The following CDON variants were observed in gnomAD, a reference collection of about 807,000 sequenced individuals.
CDON encodes the protein cell adhesion associated, oncogene regulated.
Under a neutral mutation model 120.9 loss-of-function variants are expected in CDON, and 73 were observed. That is an observed-to-expected ratio of 0.60 (90% CI 0.50 to 0.73). The LOEUF (loss-of-function observed/expected upper bound fraction) is 0.73. CDON is among the 30% of genes least tolerant of loss of function. CDON has a pLI of 0.00. For synonymous variants in CDON, 566 were observed against 573.5 expected (o/e 0.99, Z 0.19); for missense variants, 1,470 against 1,587.3 (o/e 0.93, Z 1.26).
intron 18 of CDON, among the ~76,000 whole-genome samples, chr11:125,962,675 G>C (rs552696254): frequency 1.3e-4 from 20 of 152,136 alleles, no homozygotes; most frequent in African/African-American, 4.8e-4. Flanking sequence ...CTTCAGACTG[G>C]ACAATTTCTA....
At chr11:125,993,650 TC>T (rs1946696553) in intron 14 of CDON, among the ~76,000 whole-genome samples, 1 of 152,108 alleles carries the variant, frequency 6.6e-6, no homozygotes, top group Non-Finnish European at 1.5e-5. Flanking sequence ...TGTGCCAAGG[TC>T]CTGAGGCAAA....
chr11:126,045,159 G>A (rs997355510), intron 1 of CDON, among the ~76,000 whole-genome samples: 2 of 152,130 alleles, frequency 1.3e-5, no homozygotes, highest in Admixed American at 1.3e-4. Flanking sequence ...CCGAGTAGCT[G>A]GGATTACAGG....
intron 1 of CDON, among the ~76,000 whole-genome samples, chr11:126,032,545 G>C (rs1947971026): frequency 6.6e-6 from 1 of 152,184 alleles, no homozygotes; most frequent in Non-Finnish European, 1.5e-5. Flanking sequence ...GCAAGGACAT[G>C]ATCAGTCCCG....
At chr11:126,003,763 T>C (rs928847869) in intron 10 of CDON, 139 bp downstream of exon 10, 63 of 787,034 alleles carry the variant, frequency 8.0e-5, no homozygotes, top group Non-Finnish European at 1.3e-4. Context: ...GAGGTTGCAG[T>C]GAGCTGAGAT....
chr11:126,006,537 G>A (rs1197277536), intron 8 of CDON, among the ~76,000 whole-genome samples: 4 of 151,950 alleles, frequency 2.6e-5, no homozygotes, highest in Non-Finnish European at 4.4e-5. Flanking sequence ...GCGTGGTGGC[G>A]CATACCTGTA....
chr11:125,997,095 T>A, intron 12 of CDON, 112 bp downstream of exon 12: 1 of 831,788 alleles, frequency 1.2e-6, no homozygotes, highest in African/African-American at 1.7e-5. Context: ...GCCATGATTA[T>A]GCCACTGCAC....
chr11:126,019,238 GT>G (rs1482225659), intron 4 of CDON, among the ~76,000 whole-genome samples: 1 of 152,196 alleles, frequency 6.6e-6, no homozygotes, highest in Admixed American at 6.5e-5. Context: ...GTAGGGGTAT[GT>G]GGGGAGGTCA....
chr11:125,997,269 A>G lies in CDON; in HGVS notation c.2300T>C (p.Leu767Pro), dbSNP rs760373405. Residue 767 changes from leucine to proline, a missense_variant, in exon 12 of 20, where the codon CTG (leucine) becomes CCG (proline). Transcript: ENST00000531738. The part of the protein sequence containing the change: ...EYKRMRTSNW[L>P]VAAEDIPPSK... ...AGGAGGGATGTCTTCAGCTGCCACC[A>G]GCCAATTGCTGGTCCTCATCCGTTT... The G allele has an allele frequency of 6.2e-6, 10 of 1,614,140 alleles. No individual in the cohort carries two copies. Among genetic ancestry groups the G allele is most frequent in the Non-Finnish European group, 8.5e-6 (10 of 1,180,002 alleles).
rs1179609565 is a variant in CDON at position 125,958,713 on chromosome 11, G to C, written c.*2229C>G. 6.6e-6 allele frequency: 1 copy of C among 152,424 alleles called. No homozygotes were observed. The highest frequency in any genetic ancestry group is 1.5e-5 in the Non-Finnish European group (1 of 68,014). The allele number at this position is 152,424 out of a possible 1,614,324, so 9.4% of individuals were successfully genotyped here. On this transcript the variant is annotated 3_prime_UTR_variant, in exon 20 of 20. Transcript: ENST00000531738. ...ATATAAATAAAGCAGTCCACAATGA[G>C]ATTGTCCTAAAGGTAAAGCCATTTT...
At position 126,010,665 on chromosome 11, in the gene CDON, C is replaced by T. The variant is rs1947274306; in HGVS notation, c.1228G>A (p.Ala410Thr). 2 of 1,614,048 alleles carry T rather than the reference C, an allele frequency of 1.2e-6. No homozygotes were observed. Among genetic ancestry groups the T allele is most frequent in the Non-Finnish European group, 8.5e-7 (1 of 1,179,960 alleles). Reference protein sequence around the residue: ...DGGFKPVIITAPVSAKVADGD... With the variant: ...DGGFKPVIITTPVSAKVADGD... ...TCTGCAACCTTTGCACTTACTGGTG[C>T]CGTAATTATAACTGGCTTGAATCCA... Residue 410 changes from alanine to threonine, a missense_variant, in exon 8 of 20, where the codon GCA becomes ACA. Physicochemically the swap from Ala to Thr is moderately conservative, Grantham distance 58. Coordinates refer to ENST00000531738, the MANE Select transcript of CDON (RefSeq NM_001378964.1).
At position 126,001,844 on chromosome 11, in the gene CDON, G is replaced by A; in HGVS notation, c.2033C>T (p.Thr678Ile). ...TGCCTGGGTGTTTTTTGATGACGCT[G>A]TTTTTTCTAGAAAGGTAAATAAACA... ...MLTFRTSKEK[T>I]ASSKNTQASS... Residue 678 changes from threonine (T) to isoleucine (I), a missense_variant, in exon 11 of 20, where the codon ACA becomes ATA. Transcript: ENST00000531738. 6.3e-7 allele frequency: 1 copy of A among 1,595,006 alleles called. No individual in the cohort carries two copies. Among genetic ancestry groups the A allele is most frequent in the Non-Finnish European group, 8.6e-7 (1 of 1,162,476 alleles).
Position 125,961,880 on chromosome 11 carries a change from CA to C in CDON, c.3474del (p.Val1159TyrfsTer3). Reference sequence around the variant, plus strand: ...TCAGGGACTGCGGAAGTCAGGCATACAGGCACCTTCACGTGACTGAGGGGCT... The same window carrying C: ...TCAGGGACTGCGGAAGTCAGGCATACGGCACCTTCACGTGACTGAGGGGCT... ...EMKPLSHVKV[P>X]VCLTSAVPDC... On this transcript the variant is annotated frameshift_variant, in exon 19 of 20. Transcript: ENST00000531738. LOFTEE classifies it high-confidence loss of function. 6.2e-7 allele frequency: 1 copy of C among 1,614,222 alleles called. No homozygotes were observed. Among genetic ancestry groups the C allele is most frequent in the Non-Finnish European group, 8.5e-7 (1 of 1,180,026 alleles).
At chr11:126,050,314 AAAAG>A (rs1191737225) in intron 1 of CDON, among the ~76,000 whole-genome samples, 1 of 152,122 alleles carries the variant, frequency 6.6e-6, no homozygotes, top group Non-Finnish European at 1.5e-5. Flanking sequence ...AATAAACCTA[AAAAG>A]AAAGACTAAA....
intron 6 of CDON, among the ~76,000 whole-genome samples, chr11:126,015,740 C>T (rs888784465): frequency 1.3e-5 from 2 of 152,198 alleles, no homozygotes; most frequent in South Asian, 2.1e-4. Context: ...TAGATTACAC[C>T]ACCCACTTAA....
intron 1 of CDON, among the ~76,000 whole-genome samples, chr11:126,053,616 G>A (rs1948619513): frequency 6.6e-6 from 1 of 152,098 alleles, no homozygotes. Context: ...CAGACATTCA[G>A]CCACATCATC....
rs750319847 is a variant in CDON at position 125,961,758 on chromosome 11, A to C, written c.3597T>G (p.Ser1199=). 5 of 1,614,218 alleles carry C rather than the reference A, an allele frequency of 3.1e-6. No homozygotes were observed. Among genetic ancestry groups the C allele is most frequent in the Non-Finnish European group, 4.2e-6 (5 of 1,180,030 alleles). ...CCQDIVNDVS[S]DGSEDPAEFS... Reference sequence around the variant, plus strand: ...ACTCTGCTGGATCTTCTGAGCCATCAGAGCTGACGTCATTTACAATGTCCT... The same window carrying C: ...ACTCTGCTGGATCTTCTGAGCCATCCGAGCTGACGTCATTTACAATGTCCT... The change falls in exon 19 of 20, where the codon TCT becomes TCG. Residue 1199 remains serine, a synonymous_variant. Transcript: ENST00000531738.
chr11:126,003,487 G>A (rs1947016428), intron 10 of CDON, among the ~76,000 whole-genome samples: 1 of 152,184 alleles, frequency 6.6e-6, no homozygotes, highest in Non-Finnish European at 1.5e-5. Flanking sequence ...GGCTATAATA[G>A]GGTCGTTTAG....
At chr11:125,969,289 C>A (rs907599774) in intron 18 of CDON, among the ~76,000 whole-genome samples, 1 of 152,150 alleles carries the variant, frequency 6.6e-6, no homozygotes, top group East Asian at 1.9e-4. Flanking sequence ...TGAGCCACCA[C>A]GCCTGGACCG....
At chr11:126,058,476 T>C (rs996477880) in intron 1 of CDON, among the ~76,000 whole-genome samples, 1 of 152,168 alleles carries the variant, frequency 6.6e-6, no homozygotes, top group Non-Finnish European at 1.5e-5. Context: ...AAGCTAAACA[T>C]ATCTTCAAAA....
Sources: allele counts gnomAD v4.1 joint callset (sites outside exome capture counted in the v4.1 genomes callset), GRCh38; gene constraint gnomAD v4.1.1; transcripts MANE v1.5; gene names NCBI Gene and HGNC (gene_info 2026-07-23, HGNC 2026-07-21).